Variants in PTK2B observed in about 807,000 individuals in gnomAD.
The protein encoded by PTK2B is protein tyrosine kinase 2 beta, also known as protein-tyrosine kinase 2-beta.
In PTK2B, 71 loss-of-function variants were observed where a neutral mutation model predicts 142.9. The ratio of observed to expected loss-of-function variants is 0.50; its 90% CI spans 0.41 to 0.61. PTK2B has a LOEUF of 0.61. Ranked by LOEUF, PTK2B falls within the 20% of genes least tolerant of loss-of-function variation. PTK2B has a pLI of 0.00. For missense variants in PTK2B, 1,105 were observed against 1,320.4 expected, an observed-to-expected ratio of 0.84 and a Z score of 2.53; for synonymous variants, 519 against 503.4, an observed-to-expected ratio of 1.03 and a Z score of -0.42.
intron 2 of PTK2B, among the ~76,000 whole-genome samples, chr8:27,403,217 A>G (rs1169936731): frequency 6.6e-6 from 1 of 152,146 alleles, no homozygotes; most frequent in Admixed American, 6.5e-5. Flanking sequence ...CAAATTTGCC[A>G]AGCACATGTC....
At chr8:27,413,241 G>T (rs141002047) in intron 2 of PTK2B, among the ~76,000 whole-genome samples, 1 of 152,066 alleles carries the variant, frequency 6.6e-6, no homozygotes, top group Non-Finnish European at 1.5e-5. Flanking sequence ...CCCCATCACC[G>T]GAATGCTCCA....
chr8:27,458,277 G>A lies in PTK2B; in HGVS notation c.2815-17G>A, dbSNP rs770666871. On this transcript the variant is annotated splice_polypyrimidine_tract_variant and intron_variant, in intron 30 of 30. Coordinates refer to ENST00000346049, the MANE Select transcript of PTK2B (RefSeq NM_173176.3). ...ACTTTGTGGCCTCTCAACCTGTCCT[G>A]TGTGATCTTCCTACAGATCGAGGGC... is the stretch of plus-strand genomic sequence containing the variant. 40 of 1,610,644 alleles carry A rather than the reference G, an allele frequency of 2.5e-5. No homozygotes were observed. The highest frequency in any genetic ancestry group is 3.3e-5 in the Non-Finnish European group (39 of 1,177,438).
At chr8:27,453,189 A>G (rs200424817) in intron 28 of PTK2B, 29 bp downstream of exon 28, 30 of 1,613,400 alleles carry the variant, frequency 1.9e-5, no homozygotes, top group Middle Eastern at 1.6e-4. Context: ...GAAACTGATA[A>G]ATGAGAGTGG....
intron 1 of PTK2B, among the ~76,000 whole-genome samples, chr8:27,356,464 A>G (rs150284212): frequency 3.9e-5 from 6 of 152,304 alleles, no homozygotes; most frequent in East Asian, 1.9e-4. Context: ...TGAAAAGCCA[A>G]TGAATTCATG....
rs182489961 is a variant in PTK2B at position 27,364,068 on chromosome 8, G to A, written c.-37-33480G>A. Among the ~76,000 whole-genome samples the A allele has an allele frequency of 1.1e-4, 16 of 152,322 alleles. No individual in the cohort carries two copies. In the East Asian group the frequency reaches 2.1e-3, roughly 20 times the overall value. On this transcript the variant is annotated intron_variant, in intron 1 of 30. Transcript: ENST00000346049. ...CCTGGCAAGGAGTCCTCACAACAGC[G>A]CTGAAACAGCTGCATCAGCGTCCCG...
chr8:27,425,731 C>T (rs996408400), intron 5 of PTK2B, among the ~76,000 whole-genome samples: 6 of 152,288 alleles, frequency 3.9e-5, no homozygotes, highest in Middle Eastern at 3.4e-3. Flanking sequence ...TATAGCATTA[C>T]GCAGAGTAGT....
At chr8:27,397,476 T>C in intron 1 of PTK2B, 72 bp from the exon 2 acceptor site, 2 of 1,181,662 alleles carry the variant, frequency 1.7e-6, no homozygotes, top group Non-Finnish European at 1.2e-6. Context: ...CGGTGGGTGC[T>C]GTCCCTGGGG....
At chr8:27,323,034 A>G (rs1803257371), upstream of PTK2B, among the ~76,000 whole-genome samples, 1 of 152,238 alleles carries the variant, frequency 6.6e-6, no homozygotes, top group African/African-American at 2.4e-5. Context: ...TGTGGTTTCA[A>G]ATGCCATCCC....
At chr8:27,366,179 C>A (rs990195532) in intron 1 of PTK2B, among the ~76,000 whole-genome samples, 1 of 152,212 alleles carries the variant, frequency 6.6e-6, no homozygotes, top group Non-Finnish European at 1.5e-5. Context: ...TGGGGTGGCA[C>A]AAGTCACTAG....
intron 1 of PTK2B, among the ~76,000 whole-genome samples, chr8:27,329,858 C>T (rs1485340624): frequency 6.6e-6 from 1 of 152,112 alleles, no homozygotes; most frequent in Non-Finnish European, 1.5e-5. Context: ...TTAGCCCTAG[C>T]TTCCTATTTG....
intron 20 of PTK2B, 101 bp downstream of exon 20, chr8:27,439,499 TC>T: frequency 7.9e-7 from 1 of 1,265,972 alleles, no homozygotes; most frequent in Non-Finnish European, 1.1e-6. Flanking sequence ...ACCTCCACCC[TC>T]CGTTCCCAGG....
At chr8:27,454,780 G>A (rs1812046063) in intron 30 of PTK2B, among the ~76,000 whole-genome samples, 169 bp downstream of exon 30, 1 of 152,154 alleles carries the variant, frequency 6.6e-6, no homozygotes, top group Admixed American at 6.5e-5. Flanking sequence ...GGGCTGAGAG[G>A]GCACCCAGGG....
intron 2 of PTK2B, among the ~76,000 whole-genome samples, 174 bp downstream of exon 2, chr8:27,397,962 G>A (rs1291464897): frequency 6.6e-6 from 1 of 152,210 alleles, no homozygotes; most frequent in African/African-American, 2.4e-5. Flanking sequence ...CTCTCCAGAT[G>A]TTCCCATACT....
In PTK2B at chr8:27,420,772, G is replaced by C. The variant is rs373796917; in HGVS notation, c.471+28G>C. On this transcript the variant is annotated intron_variant, in intron 4 of 30. Transcript: ENST00000346049. ...AAAAAGTACTTTATCTTCTTGCCCCGAGGCTCCCATTACACCTCAAATGCC... is the reference window on the plus strand; with the variant it reads ...AAAAAGTACTTTATCTTCTTGCCCCCAGGCTCCCATTACACCTCAAATGCC... The C allele has an allele frequency of 5.2e-5, 82 of 1,572,680 alleles. 1 individual carries two copies. The African/African-American group carries it at 7.3e-4, about 14-fold the overall frequency.
upstream of PTK2B, chr8:27,310,960 C>G (rs944402718): frequency 1.9e-6 from 3 of 1,612,518 alleles, no homozygotes; most frequent in East Asian, 4.5e-5. Flanking sequence ...GGTAGCTGGT[C>G]CAGCGCGCGC....
intron 12 of PTK2B, 107 bp downstream of exon 12, chr8:27,434,239 G>A: frequency 7.1e-7 from 1 of 1,400,278 alleles, no homozygotes; most frequent in Non-Finnish European, 9.9e-7. Flanking sequence ...TGGCTTTCAG[G>A]CCCAGGAGAA....
rs144604358 is a variant in PTK2B, at chr8:27,442,927, C to T, written c.2092C>T (p.Arg698Cys). The T allele has an allele frequency of 9.3e-6, 15 of 1,614,056 alleles. No homozygotes were observed. The highest frequency in any genetic ancestry group is 1.2e-5 in the Non-Finnish European group (14 of 1,180,010). Residue 698 changes from arginine to cysteine, a missense_variant, in exon 22 of 31, where the codon CGC becomes TGC. Coordinates refer to ENST00000346049, the MANE Select transcript of PTK2B (RefSeq NM_173176.3). The part of the protein sequence containing the change: ...DIAMEQERNA[R>C]YRTPKILEPT... ...TGCCATGGAGCAAGAGAGGAATGCT[C>T]GCTACCGAACCCCCAAAATCTTGGA...
intron 3 of PTK2B, among the ~76,000 whole-genome samples, chr8:27,315,414 C>CCAA (rs1803071359): frequency 1.3e-5 from 2 of 152,114 alleles, no homozygotes; most frequent in Non-Finnish European, 2.9e-5. Context: ...CAAAAATTAA[C>CCAA]CTTAGAGGCA....
Position 27,431,377 on chromosome 8 carries a change from T to A in PTK2B, c.811-21T>A, listed in dbSNP as rs988273291. 3.1e-6 allele frequency: 5 copies of A among 1,614,084 alleles called. No homozygotes were observed. In the African/African-American group the frequency reaches 6.7e-5, roughly 22 times the overall value. The stretch of plus-strand genomic sequence containing the variant: ...GGGGAGGACAGCTCTGGAACAACAG[T>A]CCACTCTCCTTTTATTCCAGCAAGG... On this transcript the variant is annotated intron_variant, in intron 8 of 30. Transcript: ENST00000346049.
Sources: gnomAD v4.1 joint callset for allele counts (sites outside exome capture counted in the v4.1 genomes callset) on GRCh38, gnomAD v4.1.1 for gene constraint, MANE v1.5 for transcripts, NCBI Gene and HGNC (gene_info 2026-07-23, HGNC 2026-07-21) for gene names.